Variants in RIC3 observed in about 807,000 individuals in gnomAD.
RIC3 encodes protein RIC-3.
A neutral mutation model predicts 27.3 loss-of-function variants in RIC3; 28 were observed. The ratio of observed to expected loss-of-function variants is 1.02; its 90% CI spans 0.76 to 1.41. The LOEUF (loss-of-function observed/expected upper bound fraction) is 1.41, where lower values mean the gene tolerates loss of function less well. RIC3 is among the 40% of genes most tolerant of loss of function. RIC3 has a pLI of 0.00. For synonymous variants in RIC3, 184 were observed against 160.4 expected, an observed-to-expected ratio of 1.15 and a Z score of -1.11; for missense variants, 501 against 444.7, an observed-to-expected ratio of 1.13 and a Z score of -1.14.
intron 1 of RIC3, among the ~76,000 whole-genome samples, chr11:8,158,509 T>C (rs1335912583): frequency 1.3e-5 from 2 of 151,818 alleles, no homozygotes; most frequent in Non-Finnish European, 2.9e-5. Flanking sequence ...ATTCAAACTC[T>C]CATTCAGCTG....
the RIC3 span, chr11:8,100,456 A>G: frequency 6.8e-7 from 1 of 1,467,592 alleles, no homozygotes. Flanking sequence ...CTTCTCCAGT[A>G]GGTAAATAGA....
In RIC3 at chr11:8,119,469, T is replaced by C. The variant is rs186707588; in HGVS notation, c.670+7190A>G. On this transcript the variant is annotated intron_variant, in intron 5 of 5. Coordinates refer to ENST00000309737, the MANE Select transcript of RIC3 (RefSeq NM_001206671.4). ...AAAGCATTCCCTATTTAATAAATGGTGCTGGGAAAACTGGCTAGCCATATG... is the reference window on the plus strand; with the variant it reads ...AAAGCATTCCCTATTTAATAAATGGCGCTGGGAAAACTGGCTAGCCATATG... 6.3e-3 allele frequency among the ~76,000 whole-genome samples: 955 copies of C among 152,268 alleles called. 22 individuals are homozygous for C. Among genetic ancestry groups the C allele is most frequent in the Admixed American group, 0.051 (781 of 15,296 alleles).
chr11:8,154,743 A>C (rs184873699), intron 1 of RIC3, among the ~76,000 whole-genome samples: 48 of 151,170 alleles, frequency 3.2e-4, no homozygotes, highest in African/African-American at 1.2e-3. Context: ...ATTACAAATA[A>C]GATTTGTGTT....
chr11:8,115,225 G>A (rs1945712629), intron 5 of RIC3, among the ~76,000 whole-genome samples: 2 of 151,660 alleles, frequency 1.3e-5, no homozygotes, highest in Admixed American at 6.6e-5. Context: ...TTATAAGGGA[G>A]TTCTAACAGA....
intron 1 of RIC3, among the ~76,000 whole-genome samples, chr11:8,163,925 G>C (rs1015819466): frequency 1.3e-5 from 2 of 151,848 alleles, no homozygotes; most frequent in East Asian, 1.9e-4. Context: ...AACAAAGTTT[G>C]AGGACACATT....
chr11:8,161,688 G>C (rs1951176066), intron 1 of RIC3, among the ~76,000 whole-genome samples: 1 of 152,216 alleles, frequency 6.6e-6, no homozygotes, highest in Admixed American at 6.5e-5. Flanking sequence ...GAGGCTGGAA[G>C]GTGAGAGTGA....
At chr11:8,124,605 T>C (rs1476246777) in intron 5 of RIC3, among the ~76,000 whole-genome samples, 4 of 152,210 alleles carry the variant, frequency 2.6e-5, no homozygotes, top group Admixed American at 2.6e-4. Context: ...CTGAACAACT[T>C]GAACTACCCA....
At chr11:8,134,001 T>C (rs896874858) in intron 4 of RIC3, among the ~76,000 whole-genome samples, 13 of 151,518 alleles carry the variant, frequency 8.6e-5, no homozygotes, top group Non-Finnish European at 1.9e-4. Flanking sequence ...TTAATATATA[T>C]ATTTTTTATT....
In RIC3 at chr11:8,110,646, A is replaced by G. The variant is rs745323107; in HGVS notation, c.*52T>C. ...ACAGGGCCAAGAAGGAAATCTGAGG[A>G]GAGAGAGGTCACCTTGGGACTTGAG... is the stretch of plus-strand genomic sequence containing the variant. On this transcript the variant is annotated 3_prime_UTR_variant, in exon 6 of 6. Coordinates refer to ENST00000309737, the MANE Select transcript of RIC3 (RefSeq NM_001206671.4). 5.3e-6 allele frequency: 8 copies of G among 1,511,144 alleles called. No individual in the cohort carries two copies. The highest frequency in any genetic ancestry group is 7.4e-6 in the Non-Finnish European group (8 of 1,087,892). 93.6% of individuals were successfully genotyped at this position (1,511,144 alleles called of 1,614,324 possible). A position where few individuals can be genotyped will look rare whatever the true frequency, so the allele number is the denominator to read the frequency against.
At chr11:8,094,887 C>T in the RIC3 span, among the ~76,000 whole-genome samples, 7 of 152,342 alleles carry the variant, frequency 4.6e-5, no homozygotes, top group Admixed American at 2.6e-4. Flanking sequence ...GGGCATAGCT[C>T]AGTAGGCGGG....
At chr11:8,157,953 C>G (rs1950818274) in intron 1 of RIC3, among the ~76,000 whole-genome samples, 1 of 152,140 alleles carries the variant, frequency 6.6e-6, no homozygotes, top group African/African-American at 2.4e-5. Context: ...AAATGACCCT[C>G]TGAAATCAAA....
downstream of RIC3, among the ~76,000 whole-genome samples, chr11:8,101,180 G>A (rs1453536905): frequency 6.6e-6 from 1 of 152,160 alleles, no homozygotes; most frequent in Non-Finnish European, 1.5e-5. Flanking sequence ...AACCTTCTTT[G>A]CAGCCCTGGT....
chr11:8,128,399 G>A, intron 4 of RIC3: 1 of 376,178 alleles, frequency 2.7e-6, no homozygotes, highest in Non-Finnish European at 5.2e-6. Context: ...ACAGACAAGA[G>A]CTTTCCCAGA....
the RIC3 span, among the ~76,000 whole-genome samples, chr11:8,099,679 C>A: frequency 1.3e-5 from 2 of 152,154 alleles, no homozygotes; most frequent in East Asian, 3.9e-4. Context: ...TAAGTATGTT[C>A]TTTATAAACA....
rs1363294570 is a variant in RIC3, at chr11:8,109,510, GCT to G, written c.*1186_*1187del. The G allele has an allele frequency of 6.6e-6, 1 of 151,992 alleles. No homozygotes were observed. Among genetic ancestry groups the G allele is most frequent in the Non-Finnish European group, 1.5e-5 (1 of 68,024 alleles). 9.4% of individuals were successfully genotyped at this position (151,992 alleles called of 1,614,324 possible). A position where few individuals can be genotyped will look rare whatever the true frequency, so the allele number is the denominator to read the frequency against. ...AATCTAGTTGCTGCTACTTTCCCCA[GCT>G]CTCTCAAAAAGACCCAAATATCCGA... On this transcript the variant is annotated 3_prime_UTR_variant, in exon 6 of 6. Coordinates refer to ENST00000309737, the MANE Select transcript of RIC3 (RefSeq NM_001206671.4).
chr11:8,097,433 T>G, the RIC3 span: 1 of 1,614,186 alleles, frequency 6.2e-7, no homozygotes, highest in Non-Finnish European at 8.5e-7. Context: ...AAGGTAAGGT[T>G]GGTCTGGGCA....
chr11:8,143,237 T>A (rs1420852057), intron 1 of RIC3, among the ~76,000 whole-genome samples: 1 of 151,680 alleles, frequency 6.6e-6, no homozygotes, highest in African/African-American at 2.4e-5. Context: ...GAAGTCAAAT[T>A]GTCTCTGTTT....
chr11:8,100,695 A>G, the RIC3 span: 320 of 1,484,558 alleles, frequency 2.2e-4, 1 homozygote, highest in African/African-American at 3.5e-3. Context: ...GTGTATGTGG[A>G]GGGGTACCAT....
chr11:8,166,687 C>CT (rs1444707711), intron 1 of RIC3, among the ~76,000 whole-genome samples: 26 of 152,094 alleles, frequency 1.7e-4, no homozygotes, highest in Non-Finnish European at 2.8e-4. Context: ...CTGGACAATA[C>CT]AATGAGACCC....
Sources: gnomAD v4.1 joint callset for allele counts (sites outside exome capture counted in the v4.1 genomes callset) on GRCh38, gnomAD v4.1.1 for gene constraint, MANE v1.5 for transcripts, NCBI Gene and HGNC (gene_info 2026-07-23, HGNC 2026-07-21) for gene names.